Variants in LRP2 observed in about 807,000 individuals in gnomAD.
LRP2 encodes low-density lipoprotein receptor-related protein 2.
A neutral mutation model predicts 531.0 loss-of-function variants in LRP2; 172 were observed. The ratio of observed to expected loss-of-function variants is 0.32; its 90% CI spans 0.29 to 0.37. The LOEUF is 0.37. Ranked by LOEUF, LRP2 falls within the 10% of genes least tolerant of loss-of-function variation. The pLI, the probability that LRP2 is intolerant of heterozygous loss-of-function variation, is 1.00. For synonymous variants in LRP2, 1,992 were observed against 2,027.6 expected (o/e 0.98, Z 0.47); for missense variants, 5,167 against 5,868.3 (o/e 0.88, Z 3.90).
chr2:169,169,666 AG>A, intron 60 of LRP2, 35 bp downstream of exon 60: 1 of 1,481,180 alleles, frequency 6.8e-7, no homozygotes, highest in Middle Eastern at 1.7e-4. Context: ...CCATGCTCTC[AG>A]GTAAGCAGTA....
In LRP2 at chr2:169,243,085, G is replaced by A; in HGVS notation, c.3551-13C>T. On this transcript the variant is annotated splice_polypyrimidine_tract_variant and intron_variant, in intron 23 of 78. Transcript: ENST00000649046. The stretch of plus-strand genomic sequence containing the variant: ...GTACAGTTTAATACTAAGAATGAAA[G>A]AGAAAAGCATTAGAAATTAGCTCAG... The A allele has an allele frequency of 1.3e-6, 2 of 1,582,204 alleles. No individual in the cohort carries two copies. Among genetic ancestry groups the A allele is most frequent in the Non-Finnish European group, 1.7e-6 (2 of 1,151,038 alleles).
chr2:169,326,585 G>A (rs1257304316), intron 1 of LRP2, among the ~76,000 whole-genome samples: 37 of 152,204 alleles, frequency 2.4e-4, no homozygotes, highest in African/African-American at 7.9e-4. Context: ...TCTCCCAGCC[G>A]CCTGCCTTGG....
chr2:169,144,918 T>C (rs1432070942), intron 70 of LRP2, among the ~76,000 whole-genome samples: 1 of 152,228 alleles, frequency 6.6e-6, no homozygotes, highest in South Asian at 2.1e-4. Flanking sequence ...TACAGCAAGA[T>C]GCTGAGTTTT....
chr2:169,352,898 G>A (rs1685891171), intron 1 of LRP2, among the ~76,000 whole-genome samples: 1 of 151,992 alleles, frequency 6.6e-6, no homozygotes, highest in South Asian at 2.1e-4. Context: ...GGAAGGGAGA[G>A]CATTAGGACA....
rs7598640 is a variant in LRP2, at chr2:169,170,585, G to A, written c.11346C>T (p.Asn3782=). 2,623 of 1,614,086 alleles carry A rather than the reference G, an allele frequency of 1.6e-3. 42 individuals are homozygous for A. The African/African-American group carries it at 0.031, about 19-fold the overall frequency. ...IPSRWICDHY[N]DCGDNSDERD... Reference sequence around the variant, plus strand: ...GTTCATCTGAGTTGTCCCCACAGTCGTTGTAATGGTCACAGATCCATCGCG... The same window carrying A: ...GTTCATCTGAGTTGTCCCCACAGTCATTGTAATGGTCACAGATCCATCGCG... The change falls in exon 59 of 79, where the codon AAC becomes AAT. Residue 3782 remains asparagine, a synonymous_variant. Transcript: ENST00000649046.
At chr2:169,336,593 C>G (rs535885228) in intron 1 of LRP2, among the ~76,000 whole-genome samples, 36 of 151,962 alleles carry the variant, frequency 2.4e-4, no homozygotes, top group Non-Finnish European at 4.3e-4. Flanking sequence ...ACCCCATTGC[C>G]ATGACCCCAC....
rs536348556 is a variant in LRP2 at position 169,267,445 on chromosome 2, A to G, written c.2320+3459T>C. ...GCAATCAAATTAGAACTCAGGATCC[A>G]GAAACTCACTCAAAACCACTCAACT... On this transcript the variant is annotated intron_variant, in intron 16 of 78. Transcript: ENST00000649046. Among the ~76,000 whole-genome samples, 403 of 152,316 alleles carry G rather than the reference A, an allele frequency of 2.6e-3. 2 individuals are homozygous for G. Among genetic ancestry groups the G allele is most frequent in the African/African-American group, 9.2e-3 (382 of 41,576 alleles).
intron 1 of LRP2, among the ~76,000 whole-genome samples, chr2:169,328,255 G>A (rs567025301): frequency 2.8e-5 from 3 of 107,232 alleles, no homozygotes; most frequent in Non-Finnish European, 6.3e-5. Flanking sequence ...TCAGCGCCCC[G>A]CCCGGCCAGC....
intron 9 of LRP2, among the ~76,000 whole-genome samples, chr2:169,286,313 A>C (rs143870012): frequency 0.011 from 1,650 of 152,328 alleles, 38 homozygotes; most frequent in African/African-American, 0.037. Flanking sequence ...GTCTGTACTA[A>C]AGTCCCAGAA....
In LRP2 at chr2:169,251,673, A is replaced by T. The variant is rs1014601537; in HGVS notation, c.2771-4158T>A. ...AACTGAAGGAAATAGAGGCACAAAA[A>T]ACCCTTCAAAAAATCAATGAATCCA... On this transcript the variant is annotated intron_variant, in intron 19 of 78. Coordinates refer to ENST00000649046, the MANE Select transcript of LRP2 (RefSeq NM_004525.3). Among the ~76,000 whole-genome samples, 3 of 78,710 alleles carry T rather than the reference A, an allele frequency of 3.8e-5. 1 individual carries two copies. The highest frequency in any genetic ancestry group is 6.7e-5 in the Non-Finnish European group (3 of 44,482). 51.6% of individuals were successfully genotyped at this position (78,710 alleles called of 152,430 possible).
At chr2:169,138,129 G>A (rs1053255711) in intron 75 of LRP2, among the ~76,000 whole-genome samples, 9 of 152,170 alleles carry the variant, frequency 5.9e-5, no homozygotes, top group African/African-American at 1.2e-4. Flanking sequence ...TGGCAGAGCC[G>A]TGGTCTGGAC....
At chr2:169,213,450 T>C (rs1688667763) in intron 36 of LRP2, among the ~76,000 whole-genome samples, 1 of 152,252 alleles carries the variant, frequency 6.6e-6, no homozygotes, top group Non-Finnish European at 1.5e-5. Context: ...TACTCTGAAG[T>C]CAATCTGGCC....
At chr2:169,346,518 A>T (rs1238607335) in intron 1 of LRP2, among the ~76,000 whole-genome samples, 1 of 152,202 alleles carries the variant, frequency 6.6e-6, no homozygotes, top group Non-Finnish European at 1.5e-5. Flanking sequence ...TGCATTTGCA[A>T]ATTCTTTTTT....
intron 34 of LRP2, among the ~76,000 whole-genome samples, chr2:169,217,820 C>T (rs1313925847): frequency 6.6e-6 from 1 of 152,152 alleles, no homozygotes; most frequent in African/African-American, 2.4e-5. Flanking sequence ...TTTCTTCATC[C>T]TTGATCTTTC....
chr2:169,178,696 A>G (rs1687308944), intron 52 of LRP2, among the ~76,000 whole-genome samples: 1 of 152,208 alleles, frequency 6.6e-6, no homozygotes, highest in Non-Finnish European at 1.5e-5. Context: ...CCAAATTCCC[A>G]AGTCCTCTCA....
intron 9 of LRP2, 126 bp downstream of exon 9, chr2:169,288,900 G>A: frequency 1.4e-6 from 2 of 1,432,310 alleles, no homozygotes; most frequent in Admixed American, 1.7e-5. Flanking sequence ...GTGAGGTCTG[G>A]GTTGCTCTTT....
At chr2:169,285,517 A>C (rs182200680) in intron 9 of LRP2, among the ~76,000 whole-genome samples, 2 of 151,896 alleles carry the variant, frequency 1.3e-5, no homozygotes, top group African/African-American at 4.8e-5. Flanking sequence ...TCCCCCTCTC[A>C]CTCCAATACC....
intron 65 of LRP2, among the ~76,000 whole-genome samples, chr2:169,155,672 T>A (rs1268348150): frequency 2.8e-5 from 2 of 70,832 alleles, no homozygotes; most frequent in Non-Finnish European, 5.6e-5. Flanking sequence ...CTGACTTACA[T>A]TCTTTCTCTG....
chr2:169,232,310 T>C (rs1689436853), intron 30 of LRP2, among the ~76,000 whole-genome samples: 1 of 152,172 alleles, frequency 6.6e-6, no homozygotes, highest in African/African-American at 2.4e-5. Flanking sequence ...CTACTGATGA[T>C]ATCTCTGTGT....
Sources: allele counts gnomAD v4.1 joint callset (sites outside exome capture counted in the v4.1 genomes callset), GRCh38; gene constraint gnomAD v4.1.1; transcripts MANE v1.5; gene names NCBI Gene and HGNC (gene_info 2026-07-23, HGNC 2026-07-21).